RFTN2: variants seen among roughly 807,000 people sequenced by gnomAD.
RFTN2 encodes raftlin-2.
In RFTN2, 34 loss-of-function variants were observed where a neutral mutation model predicts 52.7. The observed-to-expected ratio is 0.64, with a 90% confidence interval of 0.49 to 0.86. RFTN2 has a LOEUF of 0.86. Ranked by LOEUF, RFTN2 falls within the 40% of genes least tolerant of loss-of-function variation. The pLI is 0.00. For synonymous variants in RFTN2, 203 were observed against 217.7 expected (o/e 0.93, Z 0.59); for missense variants, 536 against 600.1 (o/e 0.89, Z 1.12).
chr2:197,650,935 G>A (rs1416316996), intron 1 of RFTN2, among the ~76,000 whole-genome samples: 3 of 152,084 alleles, frequency 2.0e-5, no homozygotes, highest in African/African-American at 7.2e-5. Context: ...CTAATTGTCT[G>A]CATCCTCACT....
At chr2:197,609,212 G>A (rs1028604151) in intron 7 of RFTN2, among the ~76,000 whole-genome samples, 4 of 152,188 alleles carry the variant, frequency 2.6e-5, no homozygotes. Context: ...TCGCCACACT[G>A]TCTTCCACAT....
intron 7 of RFTN2, among the ~76,000 whole-genome samples, chr2:197,614,571 A>G (rs2088112106): frequency 1.3e-5 from 2 of 152,238 alleles, no homozygotes; most frequent in Non-Finnish European, 1.5e-5. Flanking sequence ...ACTGTAACAC[A>G]TGCCTACTTG....
At chr2:197,673,303 A>G (rs2089172203) in intron 1 of RFTN2, among the ~76,000 whole-genome samples, 2 of 152,158 alleles carry the variant, frequency 1.3e-5, no homozygotes, top group African/African-American at 4.8e-5. Flanking sequence ...CCACTCCTAT[A>G]TACACTGGAG....
At position 197,654,765 on chromosome 2, in the gene RFTN2, C is replaced by T. The variant is rs182308722; in HGVS notation, c.140-8099G>A. 1.3e-3 allele frequency among the ~76,000 whole-genome samples: 203 copies of T among 151,320 alleles called. 1 individual carries two copies. The highest frequency in any genetic ancestry group is 4.7e-3 in the African/African-American group (192 of 41,232). On this transcript the variant is annotated intron_variant, in intron 1 of 8. Coordinates refer to ENST00000295049, the MANE Select transcript of RFTN2 (RefSeq NM_144629.3). ...GTAATCCCAGCACTTTGGGAGGCCG[C>T]GGTGGGAGGATCACTTGAGGTCAGG... is the stretch of plus-strand genomic sequence containing the variant.
At chr2:197,625,714 CTCT>C (rs1559354407) in intron 5 of RFTN2, among the ~76,000 whole-genome samples, 1 of 118,326 alleles carries the variant, frequency 8.5e-6, no homozygotes, top group Non-Finnish European at 1.9e-5. Flanking sequence ...CTCTCCTCTC[CTCT>C]CCTCCCCTCC....
intron 1 of RFTN2, among the ~76,000 whole-genome samples, chr2:197,650,868 A>G (rs1282479059): frequency 6.6e-6 from 1 of 152,146 alleles, no homozygotes. Flanking sequence ...GAAACTCCAT[A>G]TTGTTTTCTA....
At chr2:197,611,664 T>C (rs775866482) in intron 7 of RFTN2, among the ~76,000 whole-genome samples, 1 of 152,198 alleles carries the variant, frequency 6.6e-6, no homozygotes, top group Non-Finnish European at 1.5e-5. Flanking sequence ...CTTTTGAATG[T>C]GTTTGCTCTT....
At chr2:197,642,196 A>G (rs980143702) in intron 3 of RFTN2, among the ~76,000 whole-genome samples, 1 of 152,226 alleles carries the variant, frequency 6.6e-6, no homozygotes, top group African/African-American at 2.4e-5. Flanking sequence ...ACCACAGATA[A>G]TCTTACATAC....
At position 197,644,186 on chromosome 2, in the gene RFTN2, T is replaced by C. The variant is rs771369514; in HGVS notation, c.410A>G (p.Asn137Ser). The change falls in exon 3 of 9, where the codon AAT (asparagine) becomes AGT (serine). Residue 137 changes from asparagine (N) to serine (S), a missense_variant. Physicochemically the swap from Asn to Ser is conservative, Grantham distance 46. Coordinates refer to ENST00000295049, the MANE Select transcript of RFTN2 (RefSeq NM_144629.3). ...TTCTATCAGTTCTTTTGCTGCGTCA[T>C]TTGTTTGTGCCTCAGAAGTTAGGGG... ...ECPLTSEAQT[N>S]DAAKELIEKI... 2.4e-5 allele frequency: 39 copies of C among 1,611,402 alleles called. No individual in the cohort carries two copies. The highest frequency in any genetic ancestry group is 4.2e-6 in the Non-Finnish European group (5 of 1,177,602).
chr2:197,621,101 C>G (rs1392870889), intron 5 of RFTN2, among the ~76,000 whole-genome samples: 3 of 152,054 alleles, frequency 2.0e-5, no homozygotes, highest in Non-Finnish European at 2.9e-5. Context: ...TACTGTCACA[C>G]TGAAGTGACC....
In RFTN2 at chr2:197,631,141, C is replaced by G. The variant is rs1210121489; in HGVS notation, c.798G>C (p.Leu266=). The G allele has an allele frequency of 1.2e-6, 2 of 1,613,548 alleles. No homozygotes were observed. The highest frequency in any genetic ancestry group is 1.1e-5 in the South Asian group (1 of 91,056). ...STSWAYQEGI[L]SMKVTRKGSV... The stretch of plus-strand genomic sequence containing the variant: ...ATCCTTTTCTTGTTACTTTCATTGA[C>G]AGGATGCCTTCCTGATAGGCCCAGG... Residue 266 remains leucine (L), a synonymous_variant, in exon 5 of 9, where the codon CTG becomes CTC. Transcript: ENST00000295049.
intron 2 of RFTN2, among the ~76,000 whole-genome samples, chr2:197,646,142 T>C (rs916710832): frequency 6.6e-6 from 1 of 152,218 alleles, no homozygotes; most frequent in Non-Finnish European, 1.5e-5. Context: ...GTCAGCTCTT[T>C]AGCCTAGTGA....
rs892379858 is a variant in RFTN2 at position 197,627,955 on chromosome 2, C to T, written c.928+3056G>A. Among the ~76,000 whole-genome samples, 21 of 131,660 alleles carry T rather than the reference C, an allele frequency of 1.6e-4. 1 individual carries two copies. Among genetic ancestry groups the T allele is most frequent in the Non-Finnish European group, 2.7e-4 (18 of 65,492 alleles). The allele number at this position is 131,660 out of a possible 152,430, so 86.4% of individuals were successfully genotyped here. A position where few individuals can be genotyped will look rare whatever the true frequency, so the allele number is the denominator to read the frequency against. ...GGGGTAATATATTTAAATTTCTGAGCGCTGTCTGGTTTTGTTCTTCCATTC... is the reference window on the plus strand; with the variant it reads ...GGGGTAATATATTTAAATTTCTGAGTGCTGTCTGGTTTTGTTCTTCCATTC... On this transcript the variant is annotated intron_variant, in intron 5 of 8. Coordinates refer to ENST00000295049, the MANE Select transcript of RFTN2 (RefSeq NM_144629.3).
rs2088712674 is a variant in RFTN2 at position 197,644,091 on chromosome 2, G to A, written c.438+67C>T. 7 of 917,712 alleles carry A rather than the reference G, an allele frequency of 7.6e-6. 1 individual carries two copies. Among genetic ancestry groups the A allele is most frequent in the South Asian group, 6.5e-5 (5 of 76,590 alleles). 56.8% of individuals were successfully genotyped at this position (917,712 alleles called of 1,614,324 possible). Reference sequence around the variant, plus strand: ...CCTTATTCTTTTTAGGGTAAAAAAGGGAATTGATGAAGATGAAATACCAAA... The same window carrying A: ...CCTTATTCTTTTTAGGGTAAAAAAGAGAATTGATGAAGATGAAATACCAAA... On this transcript the variant is annotated intron_variant, in intron 3 of 8. Transcript: ENST00000295049.
intron 1 of RFTN2, among the ~76,000 whole-genome samples, chr2:197,675,101 C>T (rs2089197504): frequency 1.3e-5 from 2 of 152,104 alleles, no homozygotes; most frequent in Admixed American, 6.6e-5. Context: ...CAAGCAATTT[C>T]CCTAATTTTA....
At chr2:197,591,676 C>T (rs1486346458) in intron 8 of RFTN2, among the ~76,000 whole-genome samples, 10 of 152,150 alleles carry the variant, frequency 6.6e-5, no homozygotes, top group Admixed American at 5.2e-4. Context: ...TCAGGCATGG[C>T]GGGCTGCAGG....
chr2:197,575,991 G>A (rs1182906501), intron 8 of RFTN2, among the ~76,000 whole-genome samples: 1 of 150,410 alleles, frequency 6.6e-6, no homozygotes, highest in Admixed American at 6.7e-5. Flanking sequence ...GACTCCTGAT[G>A]AGATTTCATT....
chr2:197,671,948 T>G (rs915032937), intron 1 of RFTN2, among the ~76,000 whole-genome samples: 7 of 152,228 alleles, frequency 4.6e-5, no homozygotes, highest in Non-Finnish European at 8.8e-5. Context: ...GTAGAGTTAT[T>G]TTAACTTTTT....
intron 7 of RFTN2, among the ~76,000 whole-genome samples, chr2:197,596,998 T>C (rs1374584662): frequency 6.6e-6 from 1 of 152,196 alleles, no homozygotes; most frequent in Non-Finnish European, 1.5e-5. Flanking sequence ...GTTGCTCAGT[T>C]ACGACTTTTA....
Sources: gnomAD v4.1 joint callset for allele counts (sites outside exome capture counted in the v4.1 genomes callset) on GRCh38, gnomAD v4.1.1 for gene constraint, MANE v1.5 for transcripts, NCBI Gene and HGNC (gene_info 2026-07-23, HGNC 2026-07-21) for gene names.